Variants in LEKR1 observed in about 807,000 individuals in gnomAD.
LEKR1 encodes the protein leucine, glutamate and lysine rich 1.
Under a neutral mutation model 72.4 loss-of-function variants are expected in LEKR1, and 59 were observed. That is an observed-to-expected ratio of 0.82 (90% CI 0.66 to 1.01). The LOEUF (loss-of-function observed/expected upper bound fraction) is 1.01, where lower values mean the gene tolerates loss of function less well. Ranked by LOEUF, LEKR1 falls within the 50% of genes least tolerant of loss-of-function variation. The pLI is 0.00. For synonymous variants in LEKR1, 257 were observed against 263.2 expected (o/e 0.98, Z 0.23); for missense variants, 728 against 759.2 (o/e 0.96, Z 0.48).
chr3:156,933,821 G>A (rs1725461456), intron 5 of LEKR1, among the ~76,000 whole-genome samples: 1 of 152,138 alleles, frequency 6.6e-6, no homozygotes, highest in Admixed American at 6.6e-5. Flanking sequence ...CACAATCTTA[G>A]AAAAATAACA....
At chr3:156,890,595 T>G (rs1720550210) in intron 3 of LEKR1, among the ~76,000 whole-genome samples, 3 of 152,210 alleles carry the variant, frequency 2.0e-5, no homozygotes, top group Admixed American at 2.0e-4. Flanking sequence ...TATATTAATA[T>G]TTCCAATGTA....
At chr3:156,872,105 A>G (rs890697893) in intron 3 of LEKR1, among the ~76,000 whole-genome samples, 1 of 150,786 alleles carries the variant, frequency 6.6e-6, no homozygotes, top group African/African-American at 2.4e-5. Context: ...TTTTTTTTAC[A>G]GATTTAGTCT....
At chr3:156,897,485 A>G (rs538897123) in intron 3 of LEKR1, among the ~76,000 whole-genome samples, 2 of 151,482 alleles carry the variant, frequency 1.3e-5, no homozygotes, top group South Asian at 2.1e-4. Flanking sequence ...AATCAAATAC[A>G]TTTAAGAAAT....
chr3:157,002,073 A>C (rs1327292273), intron 9 of LEKR1, among the ~76,000 whole-genome samples: 1 of 152,190 alleles, frequency 6.6e-6, no homozygotes, highest in Non-Finnish European at 1.5e-5. Context: ...GAACTCCTGG[A>C]TTCTAATGGT....
At chr3:156,830,952 C>CT (rs1230277164) in intron 2 of LEKR1, among the ~76,000 whole-genome samples, 1 of 151,982 alleles carries the variant, frequency 6.6e-6, no homozygotes, top group Non-Finnish European at 1.5e-5. Flanking sequence ...TTTTTGGTTT[C>CT]TTTTTTATTG....
At position 156,852,925 on chromosome 3, in the gene LEKR1, A is replaced by G; in HGVS notation, c.206A>G (p.His69Arg). 2 of 1,535,870 alleles carry G rather than the reference A, an allele frequency of 1.3e-6. No individual in the cohort carries two copies. Among genetic ancestry groups the G allele is most frequent in the South Asian group, 2.4e-5 (2 of 84,006 alleles). ...DREKRLQEKL[H>R]SLSQELEQYK... ...GAAAAGAGACTTCAAGAAAAGCTGCATTCTCTTAGCCAAGAACTTGAACAG... is the reference window on the plus strand; with the variant it reads ...GAAAAGAGACTTCAAGAAAAGCTGCGTTCTCTTAGCCAAGAACTTGAACAG... Residue 69 changes from histidine (H) to arginine (R), a missense_variant, in exon 3 of 13, where the codon CAT becomes CGT. Physicochemically the swap from His to Arg is conservative, Grantham distance 29. Transcript: ENST00000356539.
At chr3:156,959,742 T>TA (rs1159835021) in intron 6 of LEKR1, among the ~76,000 whole-genome samples, 2 of 152,224 alleles carry the variant, frequency 1.3e-5, no homozygotes, top group African/African-American at 4.8e-5. Flanking sequence ...ATCCTTTTTT[T>TA]AACTAACATG....
chr3:157,033,308 C>A (rs976178452), intron 12 of LEKR1, among the ~76,000 whole-genome samples: 1 of 152,170 alleles, frequency 6.6e-6, no homozygotes, highest in Non-Finnish European at 1.5e-5. Flanking sequence ...AGAAGCTAAG[C>A]CTCTTGTTCC....
At chr3:157,024,111 G>A (rs1206495686) in intron 10 of LEKR1, among the ~76,000 whole-genome samples, 1 of 152,048 alleles carries the variant, frequency 6.6e-6, no homozygotes, top group Non-Finnish European at 1.5e-5. Flanking sequence ...CATATCAACG[G>A]CCCAGGAAAA....
At chr3:156,902,240 A>G (rs975783070) in intron 3 of LEKR1, among the ~76,000 whole-genome samples, 4 of 152,160 alleles carry the variant, frequency 2.6e-5, no homozygotes, top group African/African-American at 4.8e-5. Context: ...CACTGTGCAC[A>G]TTATGGAATA....
At chr3:156,827,703 A>G (rs565345684) in intron 1 of LEKR1, among the ~76,000 whole-genome samples, 10 of 152,266 alleles carry the variant, frequency 6.6e-5, no homozygotes, top group African/African-American at 1.9e-4. Flanking sequence ...TTTAATTTTT[A>G]GTTTCCCCCC....
At chr3:157,019,801 C>A (rs1733665806) in intron 10 of LEKR1, among the ~76,000 whole-genome samples, 1 of 152,280 alleles carries the variant, frequency 6.6e-6, no homozygotes, top group African/African-American at 2.4e-5. Context: ...ACCCCTTAAG[C>A]AAATCGTTGT....
At chr3:156,833,954 T>C (rs1712777501) in intron 2 of LEKR1, among the ~76,000 whole-genome samples, 1 of 151,858 alleles carries the variant, frequency 6.6e-6, no homozygotes, top group Non-Finnish European at 1.5e-5. Flanking sequence ...CATTTCATTG[T>C]GGCTCAGTAT....
chr3:156,958,328 C>A (rs191389594), intron 6 of LEKR1, among the ~76,000 whole-genome samples: 1 of 152,250 alleles, frequency 6.6e-6, no homozygotes, highest in East Asian at 1.9e-4. Flanking sequence ...CTTCCCAATT[C>A]ATTTGGCAAA....
intron 3 of LEKR1, among the ~76,000 whole-genome samples, chr3:156,882,985 C>T (rs925246915): frequency 6.6e-6 from 1 of 151,214 alleles, no homozygotes; most frequent in African/African-American, 2.4e-5. Flanking sequence ...GGGAACATCA[C>T]ACTCTGGGGA....
At chr3:157,043,269 T>C (rs1735501242) in intron 12 of LEKR1, among the ~76,000 whole-genome samples, 1 of 152,202 alleles carries the variant, frequency 6.6e-6, no homozygotes, top group African/African-American at 2.4e-5. Context: ...CAGTCTCAGG[T>C]ATTTCTTTAG....
intron 3 of LEKR1, among the ~76,000 whole-genome samples, chr3:156,889,752 ACTC>A (rs1720469388): frequency 6.6e-6 from 1 of 152,072 alleles, no homozygotes; most frequent in Non-Finnish European, 1.5e-5. Flanking sequence ...GTCATTCCCC[ACTC>A]CTCAATTCCT....
At chr3:157,032,083 G>C (rs994934479) in intron 12 of LEKR1, among the ~76,000 whole-genome samples, 2 of 149,408 alleles carry the variant, frequency 1.3e-5, no homozygotes, top group African/African-American at 2.5e-5. Flanking sequence ...GAGAGAGTGA[G>C]AGAGAGAGAG....
intron 6 of LEKR1, among the ~76,000 whole-genome samples, chr3:156,959,318 T>C (rs568946924): frequency 6.6e-6 from 1 of 152,340 alleles, no homozygotes; most frequent in East Asian, 1.9e-4. Context: ...TCACTTAAAT[T>C]CACTTTTTGT....
Sources: gnomAD v4.1 joint callset for allele counts (sites outside exome capture counted in the v4.1 genomes callset) on GRCh38, gnomAD v4.1.1 for gene constraint, MANE v1.5 for transcripts, NCBI Gene and HGNC (gene_info 2026-07-23, HGNC 2026-07-21) for gene names.